Variants in CELF4 observed in about 807,000 individuals in gnomAD.
CELF4 encodes CUGBP Elav-like family member 4.
Under a neutral mutation model 59.9 loss-of-function variants are expected in CELF4, and 18 were observed. The ratio of observed to expected loss-of-function variants is 0.30; its 90% CI spans 0.21 to 0.45. The LOEUF is 0.45. Ranked by LOEUF, CELF4 falls within the 20% of genes least tolerant of loss-of-function variation. The probability of loss-of-function intolerance (pLI) is 1.00; values close to 1 mark genes in which losing one functional copy is unlikely to be tolerated. For missense variants in CELF4, 456 were observed against 689.0 expected, an observed-to-expected ratio of 0.66 and a Z score of 3.79; for synonymous variants, 261 against 267.1, an observed-to-expected ratio of 0.98 and a Z score of 0.22.
chr18:37,559,545 G>C (rs1016594163), intron 1 of CELF4, among the ~76,000 whole-genome samples: 1 of 151,796 alleles, frequency 6.6e-6, no homozygotes, highest in Non-Finnish European at 1.5e-5. Flanking sequence ...GCCACCTTGA[G>C]CCTTATTCTC....
intron 1 of CELF4, among the ~76,000 whole-genome samples, chr18:37,517,101 C>T (rs2099951563): frequency 6.6e-6 from 1 of 152,172 alleles, no homozygotes; most frequent in Admixed American, 6.5e-5. Context: ...AGGCTTCTGC[C>T]TTCTACTTAG....
In CELF4 at chr18:37,485,610, G is replaced by C; in HGVS notation, c.287-3C>G. ...GCAGTAGGTGAGGAAGGCGCAGCCT[G>C]GGGAGGAAAGCAAGCGCCAAGAAGG... On this transcript the variant is annotated splice_region_variant and splice_polypyrimidine_tract_variant and intron_variant, in intron 1 of 12. Coordinates refer to ENST00000420428, the MANE Select transcript of CELF4 (RefSeq NM_020180.4). The C allele has an allele frequency of 6.9e-7, 1 of 1,446,326 alleles. No homozygotes were observed. The highest frequency in any genetic ancestry group is 1.5e-5 in the South Asian group (1 of 68,440). The allele number at this position is 1,446,326 out of a possible 1,614,324, so 89.6% of individuals were successfully genotyped here.
At chr18:37,259,098 AT>A (rs1057227795) in intron 11 of CELF4, 82 bp downstream of exon 11, 2 of 1,604,342 alleles carry the variant, frequency 1.2e-6, no homozygotes, top group Admixed American at 3.4e-5. Context: ...GGTGAAGCTA[AT>A]TGGTTTGTTA....
At chr18:37,312,137 A>AAG (rs1569557797) in intron 3 of CELF4, among the ~76,000 whole-genome samples, 10 of 141,306 alleles carry the variant, frequency 7.1e-5, no homozygotes, top group Non-Finnish European at 1.4e-4. Flanking sequence ...AAAAGAAAAA[A>AAG]AAAAAAAGAA....
Position 37,273,115 on chromosome 18 carries a change from A to G in CELF4, c.850T>C (p.Tyr284His). The G allele has an allele frequency of 6.2e-7, 1 of 1,613,600 alleles. No homozygotes were observed. Among genetic ancestry groups the G allele is most frequent in the Non-Finnish European group, 8.5e-7 (1 of 1,179,888 alleles). Residue 284 changes from tyrosine (Y) to histidine (H), a missense_variant, in exon 7 of 13, where the codon TAC becomes CAC. Transcript: ENST00000420428. ...ALMASVAQGG[Y>H]LNPMAAFAAA... is the part of the protein sequence containing the mutation. ...GCGAAGGCAGCCATGGGGTTCAGGTAGCCGCCCTGCGCGACTGATGCCATC... is the reference window on the plus strand; with the variant it reads ...GCGAAGGCAGCCATGGGGTTCAGGTGGCCGCCCTGCGCGACTGATGCCATC...
At chr18:37,362,748 C>T (rs565096664) in intron 2 of CELF4, among the ~76,000 whole-genome samples, 2 of 152,300 alleles carry the variant, frequency 1.3e-5, no homozygotes, top group South Asian at 4.1e-4. Context: ...CTCTCCCTCT[C>T]TTGCCAGTCA....
chr18:37,463,034 C>A (rs1254638911), intron 2 of CELF4, among the ~76,000 whole-genome samples: 1 of 152,152 alleles, frequency 6.6e-6, no homozygotes, highest in Non-Finnish European at 1.5e-5. Flanking sequence ...GAAGACACAG[C>A]TCTTGTCCTC....
intron 2 of CELF4, among the ~76,000 whole-genome samples, chr18:37,371,171 T>C (rs1198986047): frequency 1.3e-5 from 2 of 152,214 alleles, no homozygotes; most frequent in African/African-American, 4.8e-5. Flanking sequence ...AAGATCTCGT[T>C]GCACTGTTTT....
intron 2 of CELF4, among the ~76,000 whole-genome samples, chr18:37,351,757 C>T (rs1343875819): frequency 6.6e-6 from 1 of 151,890 alleles, no homozygotes; most frequent in Non-Finnish European, 1.5e-5. Flanking sequence ...ACCACAGGTG[C>T]ACGCCACCAC....
intron 2 of CELF4, among the ~76,000 whole-genome samples, chr18:37,325,748 G>A (rs1186416528): frequency 6.6e-6 from 1 of 152,218 alleles, no homozygotes; most frequent in Non-Finnish European, 1.5e-5. Flanking sequence ...GCACCTATGG[G>A]GTGCTCTAAA....
chr18:37,383,014 T>C (rs987280923), intron 2 of CELF4, among the ~76,000 whole-genome samples: 1 of 124,980 alleles, frequency 8.0e-6, no homozygotes, highest in Non-Finnish European at 1.6e-5. Flanking sequence ...ATGTATGTAA[T>C]AGTACATACA....
At chr18:37,553,340 T>C (rs2099983815) in intron 1 of CELF4, among the ~76,000 whole-genome samples, 1 of 152,206 alleles carries the variant, frequency 6.6e-6, no homozygotes, top group Non-Finnish European at 1.5e-5. Context: ...ATCACTAATC[T>C]GTGGGTTCTC....
At chr18:37,527,570 G>A (rs1052291486) in intron 1 of CELF4, among the ~76,000 whole-genome samples, 1 of 152,088 alleles carries the variant, frequency 6.6e-6, no homozygotes, top group African/African-American at 2.4e-5. Flanking sequence ...TCATTGAACC[G>A]GAACATCAAA....
chr18:37,485,072 A>G (rs950150062), intron 2 of CELF4, among the ~76,000 whole-genome samples: 2 of 152,170 alleles, frequency 1.3e-5, no homozygotes, highest in Admixed American at 6.5e-5. Flanking sequence ...GCTATAAACC[A>G]GGGCCGAGGC....
chr18:37,491,281 G>A (rs879349998), intron 1 of CELF4, among the ~76,000 whole-genome samples: 3 of 151,188 alleles, frequency 2.0e-5, no homozygotes, highest in South Asian at 2.1e-4. Context: ...GAGGGACGCC[G>A]TGCCCACCTC....
chr18:37,266,516 G>A lies in CELF4; in HGVS notation c.1165+17C>T, dbSNP rs553129117. ...ACGGAGTTGGGGAAGGAGCCGTGGG[G>A]ACGCGTGGATACTAACGACCTGCAT... On this transcript the variant is annotated intron_variant, in intron 9 of 12. Coordinates refer to ENST00000420428, the MANE Select transcript of CELF4 (RefSeq NM_020180.4). The A allele has an allele frequency of 6.9e-6, 11 of 1,583,634 alleles. No individual in the cohort carries two copies.
intron 1 of CELF4, among the ~76,000 whole-genome samples, chr18:37,551,166 C>T (rs2099983074): frequency 6.6e-6 from 1 of 152,126 alleles, no homozygotes; most frequent in African/African-American, 2.4e-5. Context: ...CTGAGTTTTT[C>T]AGTCACTCCA....
chr18:37,546,266 C>T (rs554808586), intron 1 of CELF4, among the ~76,000 whole-genome samples: 8 of 152,316 alleles, frequency 5.3e-5, no homozygotes, highest in African/African-American at 1.2e-4. Flanking sequence ...CATACACGTC[C>T]GCACATCTCC....
At position 37,323,889 on chromosome 18, in the gene CELF4, G is replaced by A. The variant is rs181285701; in HGVS notation, c.370-2008C>T. ...GGCACATGAGTGCTACCAACACAAC[G>A]GCCTTTAGCTTTGTCATATTTTATC... On this transcript the variant is annotated intron_variant, in intron 2 of 12. Transcript: ENST00000420428. Among the ~76,000 whole-genome samples, 9 of 152,288 alleles carry A rather than the reference G, an allele frequency of 5.9e-5. No homozygotes were observed. In the East Asian group the frequency reaches 1.2e-3, roughly 20 times the overall value.
Sources: allele counts gnomAD v4.1 joint callset (sites outside exome capture counted in the v4.1 genomes callset), GRCh38; gene constraint gnomAD v4.1.1; transcripts MANE v1.5; gene names NCBI Gene and HGNC (gene_info 2026-07-23, HGNC 2026-07-21).